ARFGEF3: variants seen among roughly 807,000 people sequenced by gnomAD.
ARFGEF3 encodes the protein brefeldin A-inhibited guanine nucleotide-exchange protein 3.
In ARFGEF3, 96 loss-of-function variants were observed where a neutral mutation model predicts 221.7. That is an observed-to-expected ratio of 0.43 (90% CI 0.37 to 0.51). The LOEUF is 0.51. ARFGEF3 is among the 20% of genes least tolerant of loss of function. ARFGEF3 has a pLI of 0.00. For missense variants in ARFGEF3, 2,410 were observed against 2,789.9 expected (o/e 0.86, Z 3.07); for synonymous variants, 1,145 against 1,126.8 (o/e 1.02, Z -0.32).
intron 32 of ARFGEF3, among the ~76,000 whole-genome samples, chr6:138,332,059 C>T (rs1780236729): frequency 6.6e-6 from 1 of 152,084 alleles, no homozygotes; most frequent in African/African-American, 2.4e-5. Flanking sequence ...TTGCATTGGC[C>T]TGACTTTAGG....
chr6:138,259,948 ATATC>A (rs1380189122), intron 10 of ARFGEF3, among the ~76,000 whole-genome samples: 1 of 152,128 alleles, frequency 6.6e-6, no homozygotes, highest in Non-Finnish European at 1.5e-5. Flanking sequence ...TTACCAGTGA[ATATC>A]TAATTTATTA....
At chr6:138,184,160 T>G (rs1777135147) in intron 2 of ARFGEF3, among the ~76,000 whole-genome samples, 1 of 152,214 alleles carries the variant, frequency 6.6e-6, no homozygotes, top group South Asian at 2.1e-4. Flanking sequence ...AAAACAAAAT[T>G]TTTAAAATTA....
At chr6:138,171,945 G>C (rs779410955) in intron 2 of ARFGEF3, among the ~76,000 whole-genome samples, 3 of 151,972 alleles carry the variant, frequency 2.0e-5, no homozygotes, top group Non-Finnish European at 4.4e-5. Flanking sequence ...AAAGTATATT[G>C]GACTATAACC....
chr6:138,275,839 C>G (rs1428805901), intron 12 of ARFGEF3, among the ~76,000 whole-genome samples: 1 of 151,962 alleles, frequency 6.6e-6, no homozygotes, highest in Non-Finnish European at 1.5e-5. Context: ...GACAACATCA[C>G]TGAATAAACA....
intron 2 of ARFGEF3, among the ~76,000 whole-genome samples, chr6:138,185,750 A>G (rs901546579): frequency 2.6e-4 from 39 of 152,128 alleles, no homozygotes; most frequent in African/African-American, 8.9e-4. Context: ...TTTCTCCATA[A>G]ATTACTGATT....
chr6:138,187,845 G>T (rs1268545610), intron 2 of ARFGEF3, among the ~76,000 whole-genome samples: 1 of 152,172 alleles, frequency 6.6e-6, no homozygotes, highest in Non-Finnish European at 1.5e-5. Flanking sequence ...AAAAGGCATC[G>T]GGTGGAGCCA....
intron 2 of ARFGEF3, among the ~76,000 whole-genome samples, chr6:138,176,216 G>T (rs1228146709): frequency 7.3e-6 from 1 of 137,750 alleles, no homozygotes; most frequent in Non-Finnish European, 1.5e-5. Context: ...GAGTCTTGCT[G>T]TGTCACCCAG....
intron 2 of ARFGEF3, among the ~76,000 whole-genome samples, chr6:138,195,749 A>G (rs1056183067): frequency 6.6e-6 from 1 of 152,206 alleles, no homozygotes; most frequent in Non-Finnish European, 1.5e-5. Flanking sequence ...ACCCTAGTTC[A>G]AGGCATACCA....
chr6:138,190,156 T>A (rs1344876797), intron 2 of ARFGEF3, among the ~76,000 whole-genome samples: 10 of 151,374 alleles, frequency 6.6e-5, no homozygotes, highest in East Asian at 3.9e-4. Context: ...GTTCACTTGC[T>A]TGGTAGAGGA....
rs1778820500 is a variant in ARFGEF3, at chr6:138,262,944, C to T, written c.1461C>T (p.Ser487=). The change falls in exon 12 of 34, where the codon TCC becomes TCT. Residue 487 remains serine, a synonymous_variant. Transcript: ENST00000251691. ...ADFRWQRRVL[S]SEHTPWESGN... The stretch of plus-strand genomic sequence containing the variant: ...TCCGCTGGCAGCGGCGAGTGCTGTC[C>T]TCAGAACACACGCCGTGGGAGTCAG... 2 of 1,603,310 alleles carry T rather than the reference C, an allele frequency of 1.2e-6. No individual in the cohort carries two copies. Among genetic ancestry groups the T allele is most frequent in the Non-Finnish European group, 1.7e-6 (2 of 1,174,894 alleles).
chr6:138,289,111 G>T (rs1779352383), intron 17 of ARFGEF3, among the ~76,000 whole-genome samples: 1 of 152,134 alleles, frequency 6.6e-6, no homozygotes, highest in Non-Finnish European at 1.5e-5. Context: ...GTGCCACCAT[G>T]CCCGGCTAAT....
chr6:138,288,167 T>C (rs1176858029), intron 17 of ARFGEF3, among the ~76,000 whole-genome samples: 1 of 152,176 alleles, frequency 6.6e-6, no homozygotes, highest in Admixed American at 6.5e-5. Context: ...GCGGATCACT[T>C]GAGCCCAGGA....
At chr6:138,205,987 G>T (rs958445648) in intron 2 of ARFGEF3, among the ~76,000 whole-genome samples, 8 of 152,232 alleles carry the variant, frequency 5.3e-5, no homozygotes, top group African/African-American at 1.9e-4. Flanking sequence ...GTGTTCTACA[G>T]CAGTAACCCT....
At chr6:138,265,164 A>G (rs1778870376) in intron 12 of ARFGEF3, among the ~76,000 whole-genome samples, 1 of 152,106 alleles carries the variant, frequency 6.6e-6, no homozygotes, top group African/African-American at 2.4e-5. Context: ...TGGCCTCCCA[A>G]AGTGCTGGGA....
At chr6:138,174,469 TAAAAAAAAAAAAAAAAAAAAA>T (rs35236693) in intron 2 of ARFGEF3, among the ~76,000 whole-genome samples, 34 of 25,302 alleles carry the variant, frequency 1.3e-3, no homozygotes, top group East Asian at 3.3e-3. Context: ...GAGCATCTGC[TAAAAAAAAAAAAAAAAAAAAA>T]AAAAAAAAAA....
intron 23 of ARFGEF3, 36 bp downstream of exon 23, chr6:138,307,433 T>C: frequency 6.3e-7 from 1 of 1,584,924 alleles, no homozygotes; most frequent in South Asian, 1.1e-5. Context: ...TATTCAGCAT[T>C]AATTCTCTGT....
chr6:138,311,453 A>C lies in ARFGEF3; in HGVS notation c.4143A>C (p.Gly1381=), dbSNP rs749341561. Residue 1381 remains glycine (G), a synonymous_variant, in exon 25 of 34, where the codon GGA becomes GGC. Transcript: ENST00000251691. ...KEIGDCAPAP[G]APSTDLCLPA... ...TTGGAGACTGTGCCCCAGCACCCGGAGCCCCGTCCACAGACCTGTGCCTCC... is the reference window on the plus strand; with the variant it reads ...TTGGAGACTGTGCCCCAGCACCCGGCGCCCCGTCCACAGACCTGTGCCTCC... 1 of 1,608,906 alleles carries C rather than the reference A, an allele frequency of 6.2e-7. No individual in the cohort carries two copies. Among genetic ancestry groups the C allele is most frequent in the Non-Finnish European group, 8.5e-7 (1 of 1,178,040 alleles).
intron 4 of ARFGEF3, among the ~76,000 whole-genome samples, chr6:138,223,303 T>C (rs1268808937): frequency 6.6e-6 from 1 of 152,222 alleles, no homozygotes; most frequent in African/African-American, 2.4e-5. Flanking sequence ...TTTTTAACTT[T>C]ATGAAGTTTA....
intron 2 of ARFGEF3, among the ~76,000 whole-genome samples, chr6:138,205,061 A>G (rs935768254): frequency 6.6e-6 from 1 of 152,220 alleles, no homozygotes; most frequent in African/African-American, 2.4e-5. Flanking sequence ...TTCAAGGGCT[A>G]ATACTGCAGA....
Sources: gnomAD v4.1 joint callset for allele counts (sites outside exome capture counted in the v4.1 genomes callset) on GRCh38, gnomAD v4.1.1 for gene constraint, MANE v1.5 for transcripts, NCBI Gene and HGNC (gene_info 2026-07-23, HGNC 2026-07-21) for gene names.